Variants in IL1RAPL1 observed in about 807,000 individuals in gnomAD.
The protein encoded by IL1RAPL1 is interleukin-1 receptor accessory protein-like 1.
In IL1RAPL1, 3 loss-of-function variants were observed where a neutral mutation model predicts 48.4. The ratio of observed to expected loss-of-function variants is 0.06; its 90% CI spans 0.03 to 0.16. IL1RAPL1 has a LOEUF of 0.16. Among genes scored for constraint, IL1RAPL1 ranks in the 10% least tolerant of loss-of-function variants. IL1RAPL1 has a pLI of 1.00. For synonymous variants in IL1RAPL1, 185 were observed against 187.7 expected, an observed-to-expected ratio of 0.99 and a Z score of 0.12; for missense variants, 349 against 530.6, an observed-to-expected ratio of 0.66 and a Z score of 3.36.
At chrX:29,896,994 A>G (rs1021418868) in intron 6 of IL1RAPL1, among the ~76,000 whole-genome samples, 6 of 109,208 alleles carry the variant, frequency 5.5e-5, no homozygotes, top group Admixed American at 4.2e-4. Flanking sequence ...ATGTAGTTTG[A>G]CCTAGCAAGT....
chrX:28,690,867 C>A (rs1378932775), intron 1 of IL1RAPL1, among the ~76,000 whole-genome samples: 1 of 111,543 alleles, frequency 9.0e-6, no homozygotes, highest in Admixed American at 9.6e-5. Context: ...AATTATGTAA[C>A]CTGTGATACC....
intron 2 of IL1RAPL1, among the ~76,000 whole-genome samples, chrX:29,248,236 C>T (rs765007905): frequency 5.4e-4 from 60 of 110,841 alleles, no homozygotes; most frequent in Middle Eastern, 4.6e-3. Context: ...GCCAACATAG[C>T]GAAACCCCCT....
intron 6 of IL1RAPL1, among the ~76,000 whole-genome samples, chrX:29,812,607 G>A (rs1214664264): frequency 9.0e-6 from 1 of 111,222 alleles, no homozygotes; most frequent in Non-Finnish European, 1.9e-5. Context: ...ATTCATTAGA[G>A]ATGAGTAAAT....
intron 5 of IL1RAPL1, among the ~76,000 whole-genome samples, chrX:29,457,187 CTTTT>C (rs34148272): frequency 2.1e-5 from 2 of 95,046 alleles, no homozygotes; most frequent in South Asian, 5.1e-4. Context: ...TACCTCTATT[CTTTT>C]TTTTTTTTTT....
intron 2 of IL1RAPL1, among the ~76,000 whole-genome samples, chrX:28,994,159 C>A (rs1054036232): frequency 9.0e-6 from 1 of 110,860 alleles, no homozygotes; most frequent in Non-Finnish European, 1.9e-5. Context: ...GGATATGGAC[C>A]AAATTGAAGC....
At chrX:29,757,685 T>A (rs1300276737) in intron 6 of IL1RAPL1, among the ~76,000 whole-genome samples, 1 of 111,784 alleles carries the variant, frequency 8.9e-6, no homozygotes, top group Non-Finnish European at 1.9e-5. Context: ...AATGGAGAGT[T>A]TTTTCCTAAC....
At chrX:29,791,932 A>G (rs1434894105) in intron 6 of IL1RAPL1, among the ~76,000 whole-genome samples, 1 of 106,887 alleles carries the variant, frequency 9.4e-6, no homozygotes, top group Non-Finnish European at 1.9e-5. Flanking sequence ...GGGTTTCACC[A>G]TGTTGGCCAG....
chrX:28,902,635 C>T (rs370487609), intron 2 of IL1RAPL1, among the ~76,000 whole-genome samples: 1 of 111,804 alleles, frequency 8.9e-6, no homozygotes, highest in African/African-American at 3.3e-5. Flanking sequence ...GTTTTATCTA[C>T]TCTTCAAAAC....
chrX:28,741,737 A>G (rs1935909895), intron 1 of IL1RAPL1, among the ~76,000 whole-genome samples: 1 of 111,984 alleles, frequency 8.9e-6, no homozygotes, highest in Non-Finnish European at 1.9e-5. Context: ...GTCAGCAAAT[A>G]GATTCTTTCT....
chrX:28,714,183 A>G (rs990020769), intron 1 of IL1RAPL1, among the ~76,000 whole-genome samples: 1 of 111,698 alleles, frequency 9.0e-6, no homozygotes, highest in Non-Finnish European at 1.9e-5. Flanking sequence ...AGAAGTTTTA[A>G]CTTTGAATCC....
intron 1 of IL1RAPL1, among the ~76,000 whole-genome samples, chrX:28,641,920 T>A (rs1467864883): frequency 9.0e-6 from 1 of 111,247 alleles, no homozygotes; most frequent in Non-Finnish European, 1.9e-5. Flanking sequence ...GAGACCCATC[T>A]CATGTGCAAA....
intron 5 of IL1RAPL1, among the ~76,000 whole-genome samples, chrX:29,665,720 T>C (rs1466916583): frequency 8.9e-6 from 1 of 112,119 alleles, no homozygotes; most frequent in Non-Finnish European, 1.9e-5. Context: ...GAAGTTTCCC[T>C]TCACTTCTAT....
At chrX:29,197,720 T>G (rs1449986048) in intron 2 of IL1RAPL1, among the ~76,000 whole-genome samples, 1 of 108,040 alleles carries the variant, frequency 9.3e-6, no homozygotes, top group African/African-American at 3.4e-5. Context: ...TTTTTTTTTT[T>G]TTTTTGAGAT....
Position 29,560,341 on chromosome X carries a change from TATA to T in IL1RAPL1, c.704-108086_704-108084del, listed in dbSNP as rs1221358773. Among the ~76,000 whole-genome samples, 4 of 112,262 alleles carry T rather than the reference TATA, an allele frequency of 3.6e-5. No homozygotes were observed. The East Asian group carries it at 1.1e-3, about 31-fold the overall frequency. Reference sequence around the variant, plus strand: ...ATTCTTTGACTTTTGATAATTTGATTATAATGTCTTGATGTAATCTTTGAGTTT... The same window carrying T: ...ATTCTTTGACTTTTGATAATTTGATTATGTCTTGATGTAATCTTTGAGTTT... On this transcript the variant is annotated intron_variant, in intron 5 of 10. Transcript: ENST00000378993.
At chrX:29,340,837 T>C (rs1478356815) in intron 3 of IL1RAPL1, among the ~76,000 whole-genome samples, 1 of 112,152 alleles carries the variant, frequency 8.9e-6, no homozygotes, top group Non-Finnish European at 1.9e-5. Flanking sequence ...GTAGCTGCCA[T>C]ACCAGCCCTG....
At chrX:29,715,545 G>A (rs1184339790) in intron 6 of IL1RAPL1, among the ~76,000 whole-genome samples, 1 of 111,668 alleles carries the variant, frequency 9.0e-6, no homozygotes, top group Non-Finnish European at 1.9e-5. Flanking sequence ...TTACCTCAAA[G>A]TGTAACTATC....
chrX:29,569,080 G>A (rs1254966058), intron 5 of IL1RAPL1, among the ~76,000 whole-genome samples: 2 of 111,193 alleles, frequency 1.8e-5, no homozygotes, highest in Non-Finnish European at 3.8e-5. Context: ...AAATTGTTTA[G>A]TAGATAATAT....
At chrX:28,643,885 T>C in intron 1 of IL1RAPL1, among the ~76,000 whole-genome samples, 1 of 111,971 alleles carries the variant, frequency 8.9e-6, no homozygotes, top group Non-Finnish European at 1.9e-5. Flanking sequence ...TCTCCTTTGT[T>C]GTGCCAAATA....
At position 29,024,111 on chromosome X, in the gene IL1RAPL1, TTTCTC is replaced by T. The variant is rs1242446107; in HGVS notation, c.82+234687_82+234691del. ...TTATCATGCAGACAAATTAAATGAC[TTTCTC>T]AAACCACACAGATAAGAAGTCATAG... On this transcript the variant is annotated intron_variant, in intron 2 of 10. Coordinates refer to ENST00000378993, the MANE Select transcript of IL1RAPL1 (RefSeq NM_014271.4). 3.6e-5 allele frequency among the ~76,000 whole-genome samples: 4 copies of T among 111,990 alleles called. No homozygotes were observed. In the Admixed American group the frequency reaches 3.8e-4, roughly 11 times the overall value.
Sources: gnomAD v4.1 joint callset for allele counts (sites outside exome capture counted in the v4.1 genomes callset) on GRCh38, gnomAD v4.1.1 for gene constraint, MANE v1.5 for transcripts, NCBI Gene and HGNC (gene_info 2026-07-23, HGNC 2026-07-21) for gene names.